The following KAZN variants were observed in gnomAD, a reference collection of about 807,000 sequenced individuals.
The protein encoded by KAZN is kazrin, periplakin interacting protein.
KAZN carries 40 observed loss-of-function variants against 87.4 expected under a neutral mutation model. The ratio of observed to expected loss-of-function variants is 0.46; its 90% CI spans 0.36 to 0.60. The LOEUF (loss-of-function observed/expected upper bound fraction) is 0.60, where lower values mean the gene tolerates loss of function less well. Ranked by LOEUF, KAZN falls within the 20% of genes least tolerant of loss-of-function variation. The probability of loss-of-function intolerance (pLI) is 0.00; values close to 1 mark genes in which losing one functional copy is unlikely to be tolerated. For synonymous variants in KAZN, 466 were observed against 458.3 expected, an observed-to-expected ratio of 1.02 and a Z score of -0.22; for missense variants, 898 against 1,073.9, an observed-to-expected ratio of 0.84 and a Z score of 2.29.
At chr1:14,632,249 A>G (rs1382051360) in intron 1 of KAZN, among the ~76,000 whole-genome samples, 2 of 152,186 alleles carry the variant, frequency 1.3e-5, no homozygotes, top group Non-Finnish European at 2.9e-5. Flanking sequence ...CATGTTTTGA[A>G]TGCATTAAAG....
intron 6 of KAZN, 103 bp downstream of exon 6, chr1:15,060,405 C>A: frequency 1.4e-6 from 2 of 1,443,474 alleles, no homozygotes; most frequent in Non-Finnish European, 1.9e-6. Context: ...CTCTCGTCCA[C>A]CCAGGGAGCA....
intron 1 of KAZN, among the ~76,000 whole-genome samples, chr1:14,631,047 C>T (rs1044090258): frequency 2.0e-5 from 3 of 152,144 alleles, no homozygotes; most frequent in African/African-American, 4.8e-5. Flanking sequence ...TCTGGGGATC[C>T]ATTTTTCCCT....
intron 8 of KAZN, among the ~76,000 whole-genome samples, chr1:15,073,746 G>A (rs2100601431): frequency 6.6e-6 from 1 of 152,336 alleles, no homozygotes; most frequent in Middle Eastern, 3.4e-3. Flanking sequence ...TGAGCCTGAG[G>A]TCCATCCGAC....
chr1:14,557,672 TGAGA>T (rs57818821), intron 2 of KAZN, among the ~76,000 whole-genome samples: 276 of 136,910 alleles, frequency 2.0e-3, no homozygotes, highest in Admixed American at 3.0e-3. Context: ...GTGTGGTGTG[TGAGA>T]GAGAGAGAGA....
chr1:14,987,408 C>T (rs1255897067), intron 2 of KAZN, among the ~76,000 whole-genome samples: 5 of 152,144 alleles, frequency 3.3e-5, no homozygotes, highest in Middle Eastern at 3.4e-3. Context: ...GCAGGAGAAT[C>T]GCTTGAACCC....
chr1:14,589,623 G>C (rs946394885), intron 2 of KAZN, among the ~76,000 whole-genome samples: 18 of 152,080 alleles, frequency 1.2e-4, no homozygotes, highest in Admixed American at 1.2e-3. Context: ...CAAGATCTAC[G>C]GCCGCTTCCT....
At chr1:14,492,422 C>T (rs1451233676) in intron 2 of KAZN, among the ~76,000 whole-genome samples, 1 of 151,806 alleles carries the variant, frequency 6.6e-6, no homozygotes, top group Admixed American at 6.6e-5. Flanking sequence ...AGCACCTGCC[C>T]TGCATAGGAT....
At chr1:14,453,025 G>A (rs767090789) in intron 2 of KAZN, among the ~76,000 whole-genome samples, 7 of 152,164 alleles carry the variant, frequency 4.6e-5, no homozygotes, top group East Asian at 3.9e-4. Flanking sequence ...GCGCAATCTC[G>A]GCTCACTGCA....
At chr1:14,550,531 T>C (rs915216022) in intron 2 of KAZN, among the ~76,000 whole-genome samples, 1 of 152,066 alleles carries the variant, frequency 6.6e-6, no homozygotes, top group African/African-American at 2.4e-5. Flanking sequence ...TTAAATTTTC[T>C]ATTATTTTCT....
At chr1:14,700,835 C>T (rs972605295) in intron 1 of KAZN, among the ~76,000 whole-genome samples, 11 of 152,084 alleles carry the variant, frequency 7.2e-5, no homozygotes, top group Non-Finnish European at 1.5e-4. Context: ...GAAGTGAGAG[C>T]AATAGCCACC....
chr1:14,923,965 G>A lies in KAZN; in HGVS notation c.227-36719G>A, dbSNP rs945226063. On this transcript the variant is annotated intron_variant, in intron 1 of 14. Coordinates refer to ENST00000376030, the MANE Select transcript of KAZN (RefSeq NM_201628.3). The surrounding 1 kb of genome is among the most constrained non-coding windows in gnomAD (Gnocchi z 4.2). ...CCCCGGGAATGACCGCGTCGGGGAT[G>A]CACCGAGTGGCGGGGGCCGGGCGCA... Among the ~76,000 whole-genome samples the A allele has an allele frequency of 6.7e-6, 1 of 149,740 alleles. No individual in the cohort carries two copies. Among genetic ancestry groups the A allele is most frequent in the Non-Finnish European group, 1.5e-5 (1 of 67,328 alleles).
At chr1:13,930,476 A>G (rs1378334701) in intron 1 of KAZN, among the ~76,000 whole-genome samples, 3 of 152,110 alleles carry the variant, frequency 2.0e-5, no homozygotes, top group Non-Finnish European at 2.9e-5. Context: ...CCCTGATACA[A>G]TGGAATCTAC....
At chr1:14,455,847 T>A (rs1159556682) in intron 2 of KAZN, among the ~76,000 whole-genome samples, 2 of 152,198 alleles carry the variant, frequency 1.3e-5, no homozygotes, top group Non-Finnish European at 2.9e-5. Flanking sequence ...TGACTGTGAA[T>A]GCAAAATGGT....
chr1:15,111,527 C>T (rs996080546), intron 13 of KAZN, among the ~76,000 whole-genome samples: 2 of 152,198 alleles, frequency 1.3e-5, no homozygotes, highest in Non-Finnish European at 2.9e-5. Context: ...ATCCACACGC[C>T]TTGGCCTCCC....
chr1:14,466,765 G>A (rs1458583951), intron 2 of KAZN, among the ~76,000 whole-genome samples: 2 of 151,968 alleles, frequency 1.3e-5, no homozygotes, highest in Non-Finnish European at 2.9e-5. Flanking sequence ...TCAGGAGATG[G>A]AGACCATCCT....
chr1:14,375,285 A>T (rs2101029669), intron 2 of KAZN, among the ~76,000 whole-genome samples: 1 of 152,278 alleles, frequency 6.6e-6, no homozygotes, highest in African/African-American at 2.4e-5. Context: ...AGAAAGCCAA[A>T]CCACTAGGAA....
chr1:15,059,778 TAG>T (rs1229961364), intron 5 of KAZN, among the ~76,000 whole-genome samples: 1 of 152,002 alleles, frequency 6.6e-6, no homozygotes, highest in East Asian at 1.9e-4. Flanking sequence ...AGCATGTGAG[TAG>T]AGTCACAGAG....
chr1:14,573,376 C>T (rs901778507), intron 2 of KAZN, among the ~76,000 whole-genome samples: 1 of 152,132 alleles, frequency 6.6e-6, no homozygotes, highest in East Asian at 1.9e-4. Context: ...AACCCGGGCA[C>T]GGTGGCTTAT....
chr1:14,139,967 GTGGTATGTA>G (rs1287089522), intron 1 of KAZN, among the ~76,000 whole-genome samples: 2 of 48,680 alleles, frequency 4.1e-5, no homozygotes, highest in African/African-American at 3.1e-4. Context: ...GTGTGTGTGT[GTGGTATGTA>G]TGTGTGTGTG....
Sources: gnomAD v4.1 joint callset for allele counts (sites outside exome capture counted in the v4.1 genomes callset) on GRCh38, gnomAD v4.1.1 for gene constraint, Gnocchi (gnomAD v3.1) non-coding constraint, MANE v1.5 for transcripts, NCBI Gene and HGNC (gene_info 2026-07-23, HGNC 2026-07-21) for gene names.